The following ANXA8 variants were observed in gnomAD, a reference collection of about 807,000 sequenced individuals.
ANXA8 encodes the protein VAC-beta.
ANXA8 carries 9 observed loss-of-function variants against 26.8 expected under a neutral mutation model. That is an observed-to-expected ratio of 0.34 (90% confidence interval 0.20 to 0.59). The LOEUF (loss-of-function observed/expected upper bound fraction) is 0.59. Among genes scored for constraint, ANXA8 ranks in the 20% least tolerant of loss-of-function variants. The pLI is 0.84. For missense variants in ANXA8, 83 were observed against 238.5 expected, an observed-to-expected ratio of 0.35 and a Z score of 4.29; for synonymous variants, 39 against 94.8, an observed-to-expected ratio of 0.41 and a Z score of 3.42.
the ANXA8 span, among the ~76,000 whole-genome samples, chr10:47,557,388 A>G: frequency 1.3e-5 from 2 of 151,612 alleles, no homozygotes; most frequent in Non-Finnish European, 2.9e-5. Flanking sequence ...TCTGAGACAT[A>G]GTATTTCAGA....
the ANXA8 span, chr10:47,502,227 C>G: frequency 9.5e-6 from 15 of 1,577,376 alleles, no homozygotes; most frequent in Non-Finnish European, 1.3e-5. Context: ...CCACATTCCC[C>G]TTGCGGCAGG....
Position 47,476,258 on chromosome 10 carries a change from C to A in ANXA8, c.386G>T (p.Arg129Leu). Residue 129 changes from arginine (R) to leucine (L), a missense_variant, in exon 5 of 12, where the codon CGG becomes CTG. Transcript: ENST00000585281. ...TTCCTCATACGCCTTCATTATCTCC[C>A]GCAGCTGGTTCTTGGTCCGAGAGGC... is the stretch of plus-strand genomic sequence containing the variant. ...ILASRTKNQL[R>L]EIMKAYEEDY... 1 of 538,366 alleles carries A rather than the reference C, an allele frequency of 1.9e-6. No homozygotes were observed. The highest frequency in any genetic ancestry group is 2.8e-6 in the Non-Finnish European group (1 of 357,642). The allele number at this position is 538,366 out of a possible 1,614,324, so 33.3% of individuals were successfully genotyped here.
chr10:47,951,281 A>C, the ANXA8 span, among the ~76,000 whole-genome samples: 1 of 150,946 alleles, frequency 6.6e-6, no homozygotes, highest in African/African-American at 2.5e-5. Flanking sequence ...CCGTTAAAGA[A>C]ATTAACTTTG....
the ANXA8 span, among the ~76,000 whole-genome samples, chr10:47,958,941 C>T: frequency 1.3e-5 from 2 of 150,160 alleles, no homozygotes; most frequent in African/African-American, 2.5e-5. Flanking sequence ...TTATGGGGAT[C>T]GTAATTCAAG....
chr10:47,941,157 T>C, the ANXA8 span, among the ~76,000 whole-genome samples: 3 of 146,204 alleles, frequency 2.1e-5, no homozygotes, highest in African/African-American at 5.3e-5. Flanking sequence ...TGTGCAAATA[T>C]GCAAACTTCC....
chr10:47,488,843 T>C (rs1840093783), upstream of ANXA8, among the ~76,000 whole-genome samples: 1 of 138,988 alleles, frequency 7.2e-6, no homozygotes, highest in Non-Finnish European at 1.5e-5. Context: ...TTCTCCTGCC[T>C]CAGCCTCCCG....
At chr10:47,727,410 C>T in the ANXA8 span, among the ~76,000 whole-genome samples, 1 of 152,208 alleles carries the variant, frequency 6.6e-6, no homozygotes, top group African/African-American at 2.4e-5. Context: ...CTCAGATCCT[C>T]TAAGCTGATG....
the ANXA8 span, among the ~76,000 whole-genome samples, chr10:47,683,173 G>A: frequency 6.6e-6 from 1 of 150,836 alleles, no homozygotes; most frequent in Non-Finnish European, 1.5e-5. Flanking sequence ...CATAAAAAGT[G>A]GACATTTTCT....
the ANXA8 span, chr10:47,503,043 G>A: frequency 6.2e-7 from 1 of 1,609,762 alleles, no homozygotes; most frequent in Non-Finnish European, 8.5e-7. Flanking sequence ...CCTTGGATAG[G>A]CCATTGCTTT....
chr10:47,953,792 T>G, the ANXA8 span, among the ~76,000 whole-genome samples: 1 of 150,818 alleles, frequency 6.6e-6, no homozygotes. Flanking sequence ...TATGAAAAGG[T>G]GCTCAACATC....
the ANXA8 span, among the ~76,000 whole-genome samples, chr10:47,973,957 T>G: frequency 6.6e-6 from 1 of 151,072 alleles, no homozygotes; most frequent in Non-Finnish European, 1.5e-5. Context: ...AGCTTGATAT[T>G]GGTCTAGTCA....
the ANXA8 span, among the ~76,000 whole-genome samples, chr10:47,620,196 G>T: frequency 9.1e-6 from 1 of 109,400 alleles, no homozygotes; most frequent in South Asian, 3.0e-4. Flanking sequence ...TGTAGTGAGG[G>T]TAAAGTGTAA....
chr10:47,588,122 A>C, the ANXA8 span, among the ~76,000 whole-genome samples: 1 of 144,790 alleles, frequency 6.9e-6, no homozygotes, highest in South Asian at 2.1e-4. Context: ...GTTCAACCCA[A>C]TGTTCACCTG....
At chr10:47,648,270 C>G in the ANXA8 span, among the ~76,000 whole-genome samples, 1 of 151,726 alleles carries the variant, frequency 6.6e-6, no homozygotes, top group African/African-American at 2.4e-5. Context: ...CTTGAAGGAA[C>G]TTGGAAAACG....
chr10:47,947,015 A>G, the ANXA8 span, among the ~76,000 whole-genome samples: 17 of 149,800 alleles, frequency 1.1e-4, no homozygotes, highest in African/African-American at 4.2e-4. Flanking sequence ...TTTAACACAC[A>G]GGACATTTCA....
At chr10:47,482,549 AG>A (rs1839860896) in intron 1 of ANXA8, among the ~76,000 whole-genome samples, 1 of 135,988 alleles carries the variant, frequency 7.4e-6, no homozygotes, top group Non-Finnish European at 1.5e-5. Flanking sequence ...TGCAAGGCCC[AG>A]TGCCAGACTG....
At chr10:47,925,692 T>C in the ANXA8 span, among the ~76,000 whole-genome samples, 1 of 137,708 alleles carries the variant, frequency 7.3e-6, no homozygotes, top group Admixed American at 7.6e-5. Flanking sequence ...GGATCCCAGG[T>C]TAATTGTGTG....
At chr10:47,944,121 C>G in the ANXA8 span, among the ~76,000 whole-genome samples, 2 of 146,172 alleles carry the variant, frequency 1.4e-5, no homozygotes, top group Non-Finnish European at 1.5e-5. Flanking sequence ...CTGGGAAGTC[C>G]AGGATCAAGT....
the ANXA8 span, chr10:47,991,713 G>T: frequency 3.1e-6 from 5 of 1,611,220 alleles, no homozygotes; most frequent in Non-Finnish European, 4.2e-6. Context: ...CTTTCACTTC[G>T]GGGGCACCTT....
Sources: allele counts gnomAD v4.1 joint callset (sites outside exome capture counted in the v4.1 genomes callset), GRCh38; gene constraint gnomAD v4.1.1; transcripts MANE v1.5; gene names NCBI Gene and HGNC (gene_info 2026-07-23, HGNC 2026-07-21).